PEX3: variants seen among roughly 807,000 people sequenced by gnomAD.
The protein encoded by PEX3 is peroxisomal biogenesis factor 3, also known as peroxin-3.
A neutral mutation model predicts 55.8 loss-of-function variants in PEX3; 30 were observed. That is an observed-to-expected ratio of 0.54 (90% CI 0.40 to 0.73). PEX3 has a LOEUF of 0.73. Among genes scored for constraint, PEX3 ranks in the 30% least tolerant of loss-of-function variants. The probability of loss-of-function intolerance (pLI) is 0.00; values close to 1 mark genes in which losing one functional copy is unlikely to be tolerated. For synonymous variants in PEX3, 135 were observed against 148.4 expected, an observed-to-expected ratio of 0.91 and a Z score of 0.66; for missense variants, 351 against 432.8, an observed-to-expected ratio of 0.81 and a Z score of 1.68.
At position 143,459,997 on chromosome 6, in the gene PEX3, C is replaced by T. The variant is rs937647720; in HGVS notation, c.205+781C>T. On this transcript the variant is annotated intron_variant, in intron 2 of 11. Coordinates refer to ENST00000367591, the MANE Select transcript of PEX3 (RefSeq NM_003630.3). This position sits in a 1 kb window ranked among gnomAD's most constrained non-coding sequence, Gnocchi z 4.2. ...CCATATTTGAAGAGAACAGTGTGTC[C>T]TAACTGGCATAACTGAAGAATTAGT... Among the ~76,000 whole-genome samples the T allele has an allele frequency of 6.6e-6, 1 of 152,196 alleles. No individual in the cohort carries two copies. The highest frequency in any genetic ancestry group is 1.5e-5 in the Non-Finnish European group (1 of 68,042).
chr6:143,456,322 C>T (rs1180860623), intron 1 of PEX3, among the ~76,000 whole-genome samples: 1 of 152,146 alleles, frequency 6.6e-6, no homozygotes, highest in African/African-American at 2.4e-5. Context: ...AATGAATTAC[C>T]TGTCCTCATT....
At position 143,486,039 on chromosome 6, in the gene PEX3, T is replaced by G. The variant is rs923009825; in HGVS notation, c.1038+791T>G. 6.6e-6 allele frequency among the ~76,000 whole-genome samples: 1 copy of G among 152,152 alleles called. No individual in the cohort carries two copies. The highest frequency in any genetic ancestry group is 1.5e-5 in the Non-Finnish European group (1 of 68,010). ...TAGTGTATCCTCTCTGTAGACTTTT[T>G]ACTCTTGGGAACGTGGAGAGCACTG... On this transcript the variant is annotated intron_variant, in intron 11 of 11. Coordinates refer to ENST00000367591, the MANE Select transcript of PEX3 (RefSeq NM_003630.3). The surrounding 1 kb of genome is among the most constrained non-coding windows in gnomAD (Gnocchi z 5.0).
At chr6:143,456,504 A>G (rs569580029) in intron 1 of PEX3, among the ~76,000 whole-genome samples, 1 of 152,314 alleles carries the variant, frequency 6.6e-6, no homozygotes, top group East Asian at 1.9e-4. Context: ...GCAGAAATGT[A>G]TTATCTTACA....
chr6:143,483,833 G>A lies in PEX3; in HGVS notation c.942-1319G>A, dbSNP rs1422983564. Among the ~76,000 whole-genome samples the A allele has an allele frequency of 2.0e-5, 3 of 152,042 alleles. No individual in the cohort carries two copies. The highest frequency in any genetic ancestry group is 7.2e-5 in the African/African-American group (3 of 41,426). ...TTACTATGTGCTGGGACAATACAGT[G>A]CATAAGATAGACATGGTGTGTAACC... On this transcript the variant is annotated intron_variant, in intron 10 of 11. Coordinates refer to ENST00000367591, the MANE Select transcript of PEX3 (RefSeq NM_003630.3). This position sits in a 1 kb window ranked among gnomAD's most constrained non-coding sequence, Gnocchi z 4.3.
chr6:143,478,338 A>G (rs1386900036), intron 9 of PEX3, among the ~76,000 whole-genome samples: 1 of 152,276 alleles, frequency 6.6e-6, no homozygotes, highest in East Asian at 1.9e-4. Context: ...TTGCACAACT[A>G]TGCAAATTTA....
chr6:143,486,884 T>G lies in PEX3; in HGVS notation c.1038+1636T>G, dbSNP rs77297696. Among the ~76,000 whole-genome samples the G allele has an allele frequency of 3.9e-4, 60 of 152,284 alleles. No individual in the cohort carries two copies. In the East Asian group the frequency reaches 0.011, roughly 27 times the overall value. On this transcript the variant is annotated intron_variant, in intron 11 of 11. Transcript: ENST00000367591. The surrounding 1 kb of genome is among the most constrained non-coding windows in gnomAD (Gnocchi z 5.0). ...ATTCTCTACAGAAACTATTCAACTC[T>G]GCTCTGGCAGTGTGAAAGCAGTCAG... is the stretch of plus-strand genomic sequence containing the variant.
At position 143,462,737 on chromosome 6, in the gene PEX3, T is replaced by C. The variant is rs957070373; in HGVS notation, c.206-179T>C. 6.6e-6 allele frequency among the ~76,000 whole-genome samples: 1 copy of C among 152,164 alleles called. No homozygotes were observed. Among genetic ancestry groups the C allele is most frequent in the African/African-American group, 2.4e-5 (1 of 41,426 alleles). ...TTAAATTACATAAGCAGATAAATGA[T>C]TTGTTAGGATATAATCGTTTTATAA... On this transcript the variant is annotated intron_variant, in intron 2 of 11. Transcript: ENST00000367591. This position sits in a 1 kb window ranked among gnomAD's most constrained non-coding sequence, Gnocchi z 4.1.
chr6:143,473,767 G>T (rs764548035), intron 8 of PEX3, among the ~76,000 whole-genome samples: 1 of 152,044 alleles, frequency 6.6e-6, no homozygotes, highest in Non-Finnish European at 1.5e-5. Flanking sequence ...AGCTACTCAG[G>T]AGGCTGAGGA....
rs1779747766 is a variant in PEX3, at chr6:143,450,852, CT to C, written c.-188del. 5.2e-6 allele frequency: 4 copies of C among 763,048 alleles called. No homozygotes were observed. Among genetic ancestry groups the C allele is most frequent in the South Asian group, 4.6e-5 (3 of 65,732 alleles). 47.3% of individuals were successfully genotyped at this position (763,048 alleles called of 1,614,324 possible). On this transcript the variant is annotated 5_prime_UTR_variant, in exon 1 of 12. Coordinates refer to ENST00000367591, the MANE Select transcript of PEX3 (RefSeq NM_003630.3). ...GCGGCAGCGGCAGAAAGCGTAGCTGCTTTGCTGTAGTCCACGCCCCCTTGCC... is the reference window on the plus strand; with the variant it reads ...GCGGCAGCGGCAGAAAGCGTAGCTGCTTGCTGTAGTCCACGCCCCCTTGCC...
rs963052396 is a variant in PEX3, at chr6:143,488,846, C to T, written c.1039-297C>T. Among the ~76,000 whole-genome samples the T allele has an allele frequency of 1.6e-4, 24 of 152,068 alleles. No homozygotes were observed. The highest frequency in any genetic ancestry group is 3.2e-4 in the Non-Finnish European group (22 of 67,958). ...ACCTTTACTCCTACAATTATTTATT[C>T]AACAGATACCTATCTAGCACTTGAC... is the stretch of plus-strand genomic sequence containing the variant. On this transcript the variant is annotated intron_variant, in intron 11 of 11. Transcript: ENST00000367591. The surrounding 1 kb of genome is among the most constrained non-coding windows in gnomAD (Gnocchi z 4.9).
Position 143,479,259 on chromosome 6 carries a change from G to A in PEX3, c.941+61G>A. The A allele has an allele frequency of 7.6e-7, 1 of 1,322,700 alleles. No homozygotes were observed. The highest frequency in any genetic ancestry group is 1.2e-5 in the South Asian group (1 of 84,328). The allele number at this position is 1,322,700 out of a possible 1,614,324, so 81.9% of individuals were successfully genotyped here. A position where few individuals can be genotyped will look rare whatever the true frequency, so the allele number is the denominator to read the frequency against. ...GCTCTAAAAAAATGGTGCTTTGCTT[G>A]TCTTTTTGTTCCAGATAACAACAAC... On this transcript the variant is annotated intron_variant, in intron 10 of 11. Transcript: ENST00000367591. This position sits in a 1 kb window ranked among gnomAD's most constrained non-coding sequence, Gnocchi z 4.6.
In PEX3 at chr6:143,475,846, T is replaced by C. The variant is rs1584013330; in HGVS notation, c.818+990T>C. 6.6e-6 allele frequency among the ~76,000 whole-genome samples: 1 copy of C among 152,254 alleles called. No individual in the cohort carries two copies. Among genetic ancestry groups the C allele is most frequent in the East Asian group, 1.9e-4 (1 of 5,202 alleles). ...GATTGAAATTTCTACACTTCATAGATAGAAATAATTTGTTCATTCACTTAA... is the reference window on the plus strand; with the variant it reads ...GATTGAAATTTCTACACTTCATAGACAGAAATAATTTGTTCATTCACTTAA... On this transcript the variant is annotated intron_variant, in intron 9 of 11. Coordinates refer to ENST00000367591, the MANE Select transcript of PEX3 (RefSeq NM_003630.3). This position sits in a 1 kb window ranked among gnomAD's most constrained non-coding sequence, Gnocchi z 4.4.
rs12664852 is a variant in PEX3, at chr6:143,488,802, G to A, written c.1039-341G>A. Among the ~76,000 whole-genome samples, 2,764 of 152,112 alleles carry A rather than the reference G, an allele frequency of 0.018. 105 individuals carry two copies. Among genetic ancestry groups the A allele is most frequent in the Admixed American group, 0.073 (1,114 of 15,282 alleles). ...AGTAATACACCCTTAACCGTGTTAT[G>A]TCAGCTTCCAGCAAAAGTACCTTTA... On this transcript the variant is annotated intron_variant, in intron 11 of 11. Transcript: ENST00000367591. The surrounding 1 kb of genome is among the most constrained non-coding windows in gnomAD (Gnocchi z 4.9).
Position 143,483,702 on chromosome 6 carries a change from G to A in PEX3, c.942-1450G>A, listed in dbSNP as rs956528574. 1.3e-5 allele frequency among the ~76,000 whole-genome samples: 2 copies of A among 152,100 alleles called. No homozygotes were observed. The highest frequency in any genetic ancestry group is 4.8e-5 in the African/African-American group (2 of 41,414). On this transcript the variant is annotated intron_variant, in intron 10 of 11. Transcript: ENST00000367591. This position sits in a 1 kb window ranked among gnomAD's most constrained non-coding sequence, Gnocchi z 4.3. The stretch of plus-strand genomic sequence containing the variant: ...ATTTCTTTGACTGGTTTGTGGAAAA[G>A]GAATTGGGTAAACAGGGACTGGGGC...
In PEX3 at chr6:143,453,130, G is replaced by C. The variant is rs1179015467; in HGVS notation, c.73+2015G>C. Among the ~76,000 whole-genome samples, 1 of 152,126 alleles carries C rather than the reference G, an allele frequency of 6.6e-6. No individual in the cohort carries two copies. The highest frequency in any genetic ancestry group is 1.5e-5 in the Non-Finnish European group (1 of 68,036). On this transcript the variant is annotated intron_variant, in intron 1 of 11. Coordinates refer to ENST00000367591, the MANE Select transcript of PEX3 (RefSeq NM_003630.3). The surrounding 1 kb of genome is among the most constrained non-coding windows in gnomAD (Gnocchi z 4.6). ...CATATTATATCACTGTGCTTTCATGGCCTTTATAGTCTGATAGGAAGGAAA... is the reference window on the plus strand; with the variant it reads ...CATATTATATCACTGTGCTTTCATGCCCTTTATAGTCTGATAGGAAGGAAA...
chr6:143,480,160 A>G (rs1780215697), intron 10 of PEX3, among the ~76,000 whole-genome samples: 1 of 152,210 alleles, frequency 6.6e-6, no homozygotes, highest in Non-Finnish European at 1.5e-5. Flanking sequence ...TATTCTCTGA[A>G]GTAATTTAAA....
Position 143,471,337 on chromosome 6 carries a change from C to T in PEX3, c.457-46C>T, listed in dbSNP as rs1309621100. ...TTTTATTGAAAACATTTCTTATTTACCAGTTTAAAACTTGGATAATTGAAC... is the reference window on the plus strand; with the variant it reads ...TTTTATTGAAAACATTTCTTATTTATCAGTTTAAAACTTGGATAATTGAAC... On this transcript the variant is annotated intron_variant, in intron 5 of 11. Coordinates refer to ENST00000367591, the MANE Select transcript of PEX3 (RefSeq NM_003630.3). This position sits in a 1 kb window ranked among gnomAD's most constrained non-coding sequence, Gnocchi z 5.4. 1 of 1,335,362 alleles carries T rather than the reference C, an allele frequency of 7.5e-7. No individual in the cohort carries two copies. The highest frequency in any genetic ancestry group is 1.2e-5 in the South Asian group (1 of 82,302). 82.7% of individuals were successfully genotyped at this position (1,335,362 alleles called of 1,614,324 possible).
At chr6:143,481,603 T>A (rs1675297864) in intron 10 of PEX3, among the ~76,000 whole-genome samples, 1 of 152,100 alleles carries the variant, frequency 6.6e-6, no homozygotes, top group South Asian at 2.1e-4. Context: ...ATCCATAACA[T>A]TAATAAGCTA....
At position 143,451,486 on chromosome 6, in the gene PEX3, A is replaced by G. The variant is rs879818341; in HGVS notation, c.73+371A>G. Among the ~76,000 whole-genome samples, 1 of 152,164 alleles carries G rather than the reference A, an allele frequency of 6.6e-6. No homozygotes were observed. Among genetic ancestry groups the G allele is most frequent in the Admixed American group, 6.5e-5 (1 of 15,282 alleles). On this transcript the variant is annotated intron_variant, in intron 1 of 11. Coordinates refer to ENST00000367591, the MANE Select transcript of PEX3 (RefSeq NM_003630.3). The surrounding 1 kb of genome is among the most constrained non-coding windows in gnomAD (Gnocchi z 4.1). ...TGCATTTCTCCTTGGCACTCTTGATACTTTGGCTCTCACCCTTCTCAGGAG... is the reference window on the plus strand; with the variant it reads ...TGCATTTCTCCTTGGCACTCTTGATGCTTTGGCTCTCACCCTTCTCAGGAG...
Sources: gnomAD v4.1 joint callset for allele counts (sites outside exome capture counted in the v4.1 genomes callset) on GRCh38, gnomAD v4.1.1 for gene constraint, Gnocchi (gnomAD v3.1) non-coding constraint, MANE v1.5 for transcripts, NCBI Gene and HGNC (gene_info 2026-07-23, HGNC 2026-07-21) for gene names.